Variants in TERT observed in about 807,000 individuals in gnomAD.
TERT encodes telomerase reverse transcriptase.
TERT carries 42 observed loss-of-function variants against 104.0 expected under a neutral mutation model. The observed-to-expected ratio is 0.40, with a 90% CI of 0.32 to 0.52. The LOEUF (loss-of-function observed/expected upper bound fraction) is 0.52, where lower values mean the gene tolerates loss of function less well. Ranked by LOEUF, TERT falls within the 20% of genes least tolerant of loss-of-function variation. The pLI, the probability that TERT is intolerant of heterozygous loss-of-function variation, is 0.43. For missense variants in TERT, 1,101 were observed against 1,610.3 expected (o/e 0.68, Z 5.41); for synonymous variants, 781 against 725.6 (o/e 1.08, Z -1.23).
At position 1,255,495 on chromosome 5, in the gene TERT, T is replaced by C; in HGVS notation, c.3033-84A>G. 2.5e-6 allele frequency: 4 copies of C among 1,575,966 alleles called. No individual in the cohort carries two copies. Among genetic ancestry groups the C allele is most frequent in the Non-Finnish European group, 3.5e-6 (4 of 1,148,924 alleles). ...GTGTGGGCATGGGCCCACCGGTGCC[T>C]GTGTGCGTGCATGAATGCACATGCA... is the stretch of plus-strand genomic sequence containing the variant. On this transcript the variant is annotated intron_variant, in intron 13 of 15. Transcript: ENST00000310581. This position sits in a 1 kb window ranked among gnomAD's most constrained non-coding sequence, Gnocchi z 6.9.
Position 1,294,385 on chromosome 5 carries a change from G to A in TERT, c.501C>T (p.Ala167=), listed in dbSNP as rs2126689545. The change falls in exon 2 of 16, where the codon GCC becomes GCT. Residue 167 remains alanine, a synonymous_variant. Transcript: ENST00000310581. ...ACAGCGGCGGCCCGCACACCTGGTAGGCGCAGCTGGGAGCCACCAGCACAA... is the reference window on the plus strand; with the variant it reads ...ACAGCGGCGGCCCGCACACCTGGTAAGCGCAGCTGGGAGCCACCAGCACAA... ...ALFVLVAPSC[A]YQVCGPPLYQ... is the part of the protein sequence containing the mutation. 1 of 1,580,130 alleles carries A rather than the reference G, an allele frequency of 6.3e-7. No individual in the cohort carries two copies. Among genetic ancestry groups the A allele is most frequent in the South Asian group, 1.1e-5 (1 of 88,518 alleles).
In TERT at chr5:1,253,440, C is replaced by T; in HGVS notation, c.*288G>A. The T allele has an allele frequency of 1.8e-6, 1 of 555,940 alleles. No homozygotes were observed. Among genetic ancestry groups the T allele is most frequent in the South Asian group, 2.1e-5 (1 of 48,408 alleles). 34.4% of individuals were successfully genotyped at this position (555,940 alleles called of 1,614,324 possible). A position where few individuals can be genotyped will look rare whatever the true frequency, so the allele number is the denominator to read the frequency against. ...CTATGTGGGGAGTGGAAGCCGGGCTCCTGGTGAGGAAAAGCTGGCCCTGGG... is the reference window on the plus strand; with the variant it reads ...CTATGTGGGGAGTGGAAGCCGGGCTTCTGGTGAGGAAAAGCTGGCCCTGGG... On this transcript the variant is annotated 3_prime_UTR_variant, in exon 16 of 16. Coordinates refer to ENST00000310581, the MANE Select transcript of TERT (RefSeq NM_198253.3).
chr5:1,272,006 C>T (rs903762507), intron 7 of TERT, among the ~76,000 whole-genome samples, 179 bp downstream of exon 7: 2 of 152,268 alleles, frequency 1.3e-5, no homozygotes, highest in Non-Finnish European at 1.5e-5. Flanking sequence ...GCTGTCGCAG[C>T]CTGGCATGGC....
In TERT at chr5:1,294,448, G is replaced by A. The variant is rs1579598506; in HGVS notation, c.438C>T (p.Asp146=). 4 of 1,592,210 alleles carry A rather than the reference G, an allele frequency of 2.5e-6. No individual in the cohort carries two copies. The highest frequency in any genetic ancestry group is 3.4e-6 in the Non-Finnish European group (4 of 1,177,186). The change falls in exon 2 of 16, where the codon GAC becomes GAT. Residue 146 remains aspartate, a synonymous_variant. Transcript: ENST00000310581. ...GTGCCAGCAGGTGAACCAGCACGTCGTCGCCCACGCGGCGCAGCAGCAGCC... is the reference window on the plus strand; with the variant it reads ...GTGCCAGCAGGTGAACCAGCACGTCATCGCCCACGCGGCGCAGCAGCAGCC... The part of the protein sequence containing the change: ...AWGLLLRRVG[D]DVLVHLLARC...
chr5:1,263,993 T>C lies in TERT; in HGVS notation c.2843+411A>G, dbSNP rs1748406909. Among the ~76,000 whole-genome samples the C allele has an allele frequency of 6.6e-6, 1 of 151,550 alleles. No homozygotes were observed. The highest frequency in any genetic ancestry group is 2.4e-5 in the African/African-American group (1 of 40,934). On this transcript the variant is annotated intron_variant, in intron 11 of 15. Coordinates refer to ENST00000310581, the MANE Select transcript of TERT (RefSeq NM_198253.3). This position sits in a 1 kb window ranked among gnomAD's most constrained non-coding sequence, Gnocchi z 5.3. Reference sequence around the variant, plus strand: ...CCAAAAGGGCCCTGAAGTCTCTGGGTTCGGAGAGACTCACGCCCAGCAGGG... The same window carrying C: ...CCAAAAGGGCCCTGAAGTCTCTGGGCTCGGAGAGACTCACGCCCAGCAGGG...
In TERT at chr5:1,274,178, C is replaced by T. The variant is rs755675672; in HGVS notation, c.2287-1898G>A. On this transcript the variant is annotated intron_variant, in intron 6 of 15. Coordinates refer to ENST00000310581, the MANE Select transcript of TERT (RefSeq NM_198253.3). This position sits in a 1 kb window ranked among gnomAD's most constrained non-coding sequence, Gnocchi z 5.3. ...ATGTTCCCCAGCCCCCAGGAGCTGG[C>T]GGCAGGGCCGTGGGCTAAAACCACA... Among the ~76,000 whole-genome samples, 8 of 152,222 alleles carry T rather than the reference C, an allele frequency of 5.3e-5. No homozygotes were observed. The highest frequency in any genetic ancestry group is 7.3e-5 in the Non-Finnish European group (5 of 68,044).
In TERT at chr5:1,270,051, T is replaced by C. The variant is rs754146583; in HGVS notation, c.2468+1068A>G. Among the ~76,000 whole-genome samples, 13 of 152,138 alleles carry C rather than the reference T, an allele frequency of 8.5e-5. No homozygotes were observed. The highest frequency in any genetic ancestry group is 2.9e-5 in the Non-Finnish European group (2 of 68,014). On this transcript the variant is annotated intron_variant, in intron 8 of 15. Transcript: ENST00000310581. The surrounding 1 kb of genome is among the most constrained non-coding windows in gnomAD (Gnocchi z 8.3). Reference sequence around the variant, plus strand: ...CGAAGGAGGCCCGTGGTGGCTTCTCTGGGGAGGTGACTTTGTCAGCGAATT... The same window carrying C: ...CGAAGGAGGCCCGTGGTGGCTTCTCCGGGGAGGTGACTTTGTCAGCGAATT...
intron 2 of TERT, among the ~76,000 whole-genome samples, chr5:1,290,198 T>G (rs1232305630): frequency 1.4e-5 from 1 of 71,380 alleles, no homozygotes; most frequent in Non-Finnish European, 2.5e-5. Context: ...ACCCTACACG[T>G]GACAGTGACA....
Position 1,287,975 on chromosome 5 carries a change from G to A in TERT, c.1573+5338C>T, listed in dbSNP as rs544555172. The stretch of plus-strand genomic sequence containing the variant: ...GTATTATACAGACCACTACACAACT[G>A]AGTTAGAAATCAATAATAAAATGAT... On this transcript the variant is annotated intron_variant, in intron 2 of 15. Coordinates refer to ENST00000310581, the MANE Select transcript of TERT (RefSeq NM_198253.3). This position sits in a 1 kb window ranked among gnomAD's most constrained non-coding sequence, Gnocchi z 4.3. 3.2e-4 allele frequency among the ~76,000 whole-genome samples: 49 copies of A among 151,542 alleles called. No individual in the cohort carries two copies. Among genetic ancestry groups the A allele is most frequent in the African/African-American group, 1.1e-3 (47 of 41,274 alleles).
chr5:1,255,539 C>T lies in TERT; in HGVS notation c.3033-128G>A. 8.8e-7 allele frequency: 1 copy of T among 1,142,042 alleles called. No individual in the cohort carries two copies. The highest frequency in any genetic ancestry group is 1.9e-5 in the Admixed American group (1 of 53,622). The allele number at this position is 1,142,042 out of a possible 1,614,324, so 70.7% of individuals were successfully genotyped here. A position where few individuals can be genotyped will look rare whatever the true frequency, so the allele number is the denominator to read the frequency against. ...ACATGCATGGGTTTCCTCATGGGCA[C>T]AGGTGCACACACACGGATGCATGCA... On this transcript the variant is annotated intron_variant, in intron 13 of 15. Coordinates refer to ENST00000310581, the MANE Select transcript of TERT (RefSeq NM_198253.3). The surrounding 1 kb of genome is among the most constrained non-coding windows in gnomAD (Gnocchi z 6.9).
intron 5 of TERT, 91 bp from the exon 6 acceptor site, chr5:1,278,887 C>A: frequency 6.4e-7 from 1 of 1,558,092 alleles, no homozygotes; most frequent in Non-Finnish European, 8.8e-7. Context: ...CGGTGTCCCC[C>A]ACTCTCTCTC....
intron 12 of TERT, among the ~76,000 whole-genome samples, chr5:1,259,217 G>C (rs1283889722): frequency 3.4e-5 from 5 of 145,438 alleles, no homozygotes; most frequent in African/African-American, 1.3e-4. Flanking sequence ...ACAGGAGAGG[G>C]AGTGGACGTG....
chr5:1,293,716 C>T lies in TERT; in HGVS notation c.1170G>A (p.Arg390=). The change falls in exon 2 of 16, where the codon CGG becomes CGA. Residue 390 remains arginine (R), a synonymous_variant. Coordinates refer to ENST00000310581, the MANE Select transcript of TERT (RefSeq NM_198253.3). ...PRLPQRYWQM[R]PLFLELLGNH... ...TCCCAAGCAGCTCCAGAAACAGGGG[C>T]CGCATTTGCCAGTAGCGCTGGGGCA... is the stretch of plus-strand genomic sequence containing the variant. 6.4e-7 allele frequency: 1 copy of T among 1,572,370 alleles called. No individual in the cohort carries two copies. The highest frequency in any genetic ancestry group is 8.6e-7 in the Non-Finnish European group (1 of 1,159,366).
In TERT at chr5:1,293,945, G is replaced by C. The variant is rs1306142415; in HGVS notation, c.941C>G (p.Pro314Arg). ...GGGACAAGGCGTGTCCCAGGGACGT[G>C]GTGGCCGCGATGTGGATGGGGGGCC... ...HAGPPSTSRP[P>R]RPWDTPCPPV... Residue 314 changes from proline to arginine, a missense_variant, in exon 2 of 16, where the codon CCA becomes CGA. Coordinates refer to ENST00000310581, the MANE Select transcript of TERT (RefSeq NM_198253.3). 4.5e-6 allele frequency: 7 copies of C among 1,546,872 alleles called. No homozygotes were observed. The highest frequency in any genetic ancestry group is 1.4e-5 in the African/African-American group (1 of 73,142).
intron 10 of TERT, among the ~76,000 whole-genome samples, chr5:1,266,030 C>T (rs112358200): frequency 7.1e-4 from 108 of 152,354 alleles, no homozygotes; most frequent in African/African-American, 1.8e-3. Context: ...CCGCAGCGAA[C>T]GCTGTGGGCC....
chr5:1,279,239 C>T, intron 5 of TERT, 52 bp downstream of exon 5: 2 of 1,533,988 alleles, frequency 1.3e-6, no homozygotes, highest in Non-Finnish European at 1.8e-6. Flanking sequence ...GCCAATCAGG[C>T]AGCCACTCCC....
At chr5:1,275,101 G>A (rs892590160) in intron 6 of TERT, among the ~76,000 whole-genome samples, 9 of 152,210 alleles carry the variant, frequency 5.9e-5, no homozygotes, top group Non-Finnish European at 1.2e-4. Flanking sequence ...TCGGCCGGGC[G>A]CGGCGGTTCA....
rs925386872 is a variant in TERT at position 1,269,762 on chromosome 5, G to A, written c.2469-1129C>T. ...CCAGCGAGTCAACGCAAGCAGATACGCCCCTGTGAGCACATGGGATGGGAA... is the reference window on the plus strand; with the variant it reads ...CCAGCGAGTCAACGCAAGCAGATACACCCCTGTGAGCACATGGGATGGGAA... On this transcript the variant is annotated intron_variant, in intron 8 of 15. Coordinates refer to ENST00000310581, the MANE Select transcript of TERT (RefSeq NM_198253.3). This position sits in a 1 kb window ranked among gnomAD's most constrained non-coding sequence, Gnocchi z 9.0. Among the ~76,000 whole-genome samples, 25 of 152,154 alleles carry A rather than the reference G, an allele frequency of 1.6e-4. No homozygotes were observed. Among genetic ancestry groups the A allele is most frequent in the African/African-American group, 4.8e-4 (20 of 41,420 alleles).
rs756818429 is a variant in TERT, at chr5:1,270,057, G to C, written c.2468+1062C>G. 6.6e-5 allele frequency among the ~76,000 whole-genome samples: 10 copies of C among 152,268 alleles called. No individual in the cohort carries two copies. Among genetic ancestry groups the C allele is most frequent in the South Asian group, 6.2e-4 (3 of 4,826 alleles). On this transcript the variant is annotated intron_variant, in intron 8 of 15. Transcript: ENST00000310581. This position sits in a 1 kb window ranked among gnomAD's most constrained non-coding sequence, Gnocchi z 8.3. Reference sequence around the variant, plus strand: ...AGGCCCGTGGTGGCTTCTCTGGGGAGGTGACTTTGTCAGCGAATTCTGTGG... The same window carrying C: ...AGGCCCGTGGTGGCTTCTCTGGGGACGTGACTTTGTCAGCGAATTCTGTGG...
Sources: allele counts gnomAD v4.1 joint callset (sites outside exome capture counted in the v4.1 genomes callset), GRCh38; gene constraint gnomAD v4.1.1; non-coding constraint Gnocchi (gnomAD v3.1); transcripts MANE v1.5; gene names NCBI Gene and HGNC (gene_info 2026-07-23, HGNC 2026-07-21).